Variants in RTRAF observed in about 807,000 individuals in gnomAD.
RTRAF encodes the protein RNA transcription, translation and transport factor.
A neutral mutation model predicts 34.4 loss-of-function variants in RTRAF; 14 were observed. The observed-to-expected ratio is 0.41, with a 90% confidence interval of 0.27 to 0.64. RTRAF has a LOEUF of 0.64. Among genes scored for constraint, RTRAF ranks in the 30% least tolerant of loss-of-function variants. The probability of loss-of-function intolerance (pLI) is 0.34; values close to 1 mark genes in which losing one functional copy is unlikely to be tolerated. For missense variants in RTRAF, 291 were observed against 288.4 expected (o/e 1.01, Z -0.06); for synonymous variants, 96 against 95.3 (o/e 1.01, Z -0.04).
rs1890785347 is a variant in RTRAF at position 52,006,441 on chromosome 14, A to C, written c.*1925A>C. On this transcript the variant is annotated 3_prime_UTR_variant, in exon 8 of 8. Coordinates refer to ENST00000261700, the MANE Select transcript of RTRAF (RefSeq NM_016039.3). ...TGAAACAAAAGCCTCAGAGGGCTTA[A>C]TGAGTCAAGTCAGGTACTGACTTTT... is the stretch of plus-strand genomic sequence containing the variant. The C allele has an allele frequency of 7.0e-7, 1 of 1,431,614 alleles. No homozygotes were observed. Among genetic ancestry groups the C allele is most frequent in the South Asian group, 1.3e-5 (1 of 77,872 alleles). 88.7% of individuals were successfully genotyped at this position (1,431,614 alleles called of 1,614,324 possible).
At chr14:51,998,227 A>T in intron 3 of RTRAF, 1 of 256,842 alleles carries the variant, frequency 3.9e-6, no homozygotes, top group Non-Finnish European at 7.4e-6. Context: ...TATTATATGA[A>T]ATTACCTTCA....
At chr14:51,991,804 C>T (rs1260388459) in intron 2 of RTRAF, among the ~76,000 whole-genome samples, 1 of 152,128 alleles carries the variant, frequency 6.6e-6, no homozygotes, top group East Asian at 1.9e-4. Context: ...TGATGGCTAA[C>T]ACCTATAATG....
intron 4 of RTRAF, among the ~76,000 whole-genome samples, chr14:51,999,064 C>G (rs937085429): frequency 7.9e-5 from 12 of 151,870 alleles, no homozygotes; most frequent in African/African-American, 2.7e-4. Flanking sequence ...ATGAGTGAGC[C>G]TCTTGGACAC....
In RTRAF at chr14:52,010,627, C is replaced by T. The variant is rs1890976959; in HGVS notation, c.*6111C>T. On this transcript the variant is annotated 3_prime_UTR_variant, in exon 8 of 8. Coordinates refer to ENST00000261700, the MANE Select transcript of RTRAF (RefSeq NM_016039.3). ...CACTATCTGAATTTTCTACATATCA[C>T]ATCACAGACTAATATTGTTTATACC... 2 of 383,822 alleles carry T rather than the reference C, an allele frequency of 5.2e-6. No individual in the cohort carries two copies. The highest frequency in any genetic ancestry group is 4.8e-5 in the South Asian group (1 of 20,774). The allele number at this position is 383,822 out of a possible 1,614,324, so 23.8% of individuals were successfully genotyped here.
At chr14:51,993,228 A>G (rs933840284) in intron 2 of RTRAF, among the ~76,000 whole-genome samples, 1 of 152,138 alleles carries the variant, frequency 6.6e-6, no homozygotes, top group Non-Finnish European at 1.5e-5. Flanking sequence ...TATATGCAAC[A>G]TTTATTTGAA....
Position 52,008,054 on chromosome 14 carries a change from CCT to C in RTRAF, c.*3540_*3541del. The C allele has an allele frequency of 9.3e-7, 1 of 1,075,252 alleles. No homozygotes were observed. Among genetic ancestry groups the C allele is most frequent in the Non-Finnish European group, 1.4e-6 (1 of 740,184 alleles). 66.6% of individuals were successfully genotyped at this position (1,075,252 alleles called of 1,614,324 possible). On this transcript the variant is annotated 3_prime_UTR_variant, in exon 8 of 8. Transcript: ENST00000261700. Reference sequence around the variant, plus strand: ...AAGCAGCCCCCAGTGATCTCCATCTCCTCATGTATTATAGCCTTAAGCAATCC... The same window carrying C: ...AAGCAGCCCCCAGTGATCTCCATCTCCATGTATTATAGCCTTAAGCAATCC...
intron 2 of RTRAF, 27 bp from the exon 3 acceptor site, chr14:51,993,693 CTGG>C: frequency 7.7e-7 from 1 of 1,299,132 alleles, no homozygotes; most frequent in Non-Finnish European, 1.1e-6. Flanking sequence ...AATAATGAAA[CTGG>C]TGGTTTTCTT....
At chr14:51,999,899 TA>T (rs1309620867) in intron 5 of RTRAF, 103 bp downstream of exon 5, 14 of 742,396 alleles carry the variant, frequency 1.9e-5, no homozygotes, top group Non-Finnish European at 2.7e-5. Context: ...GTTGAATGAC[TA>T]AAATACACAG....
Position 51,991,330 on chromosome 14 carries a change from T to C in RTRAF, c.75T>C (p.Phe25=). The C allele has an allele frequency of 6.2e-7, 1 of 1,613,234 alleles. No individual in the cohort carries two copies. Among genetic ancestry groups the C allele is most frequent in the African/African-American group, 1.3e-5 (1 of 75,016 alleles). ...AGFNCKDETE[F]RNFIVWLEDQ... ...TTTTTATTGCAGATGAAACAGAATT[T>C]AGAAACTTCATCGTTTGGCTTGAAG... Residue 25 remains phenylalanine (F), a synonymous_variant, in exon 2 of 8, where the codon TTT becomes TTC. Coordinates refer to ENST00000261700, the MANE Select transcript of RTRAF (RefSeq NM_016039.3).
Position 51,993,704 on chromosome 14 carries a change from C to G in RTRAF, c.187-19C>G. 4.8e-6 allele frequency: 7 copies of G among 1,468,014 alleles called. No individual in the cohort carries two copies. The highest frequency in any genetic ancestry group is 5.7e-6 in the Non-Finnish European group (6 of 1,058,904). The allele number at this position is 1,468,014 out of a possible 1,614,324, so 90.9% of individuals were successfully genotyped here. On this transcript the variant is annotated intron_variant, in intron 2 of 7. Transcript: ENST00000261700. ...TGGTAATAATGAAACTGGTGGTTTT[C>G]TTTTCTTCCCCCTCACAGTATCTCA...
At chr14:51,994,942 C>G (rs1890495620) in intron 3 of RTRAF, among the ~76,000 whole-genome samples, 1 of 151,912 alleles carries the variant, frequency 6.6e-6, no homozygotes, top group Admixed American at 6.6e-5. Flanking sequence ...ATCTACACAT[C>G]TAAATCCTAC....
In RTRAF at chr14:52,010,110, ATACAGG is replaced by A. The variant is rs1594998647; in HGVS notation, c.*5598_*5603del. ...GTTAAGTCAACTGGAATAGAGAAGG[ATACAGG>A]TACTTTTCCTGTGTGTAGAACCCAA... On this transcript the variant is annotated 3_prime_UTR_variant, in exon 8 of 8. Coordinates refer to ENST00000261700, the MANE Select transcript of RTRAF (RefSeq NM_016039.3). The A allele has an allele frequency of 6.6e-6, 1 of 152,254 alleles. No homozygotes were observed. Among genetic ancestry groups the A allele is most frequent in the Non-Finnish European group, 1.5e-5 (1 of 68,042 alleles). The allele number at this position is 152,254 out of a possible 1,614,324, so 9.4% of individuals were successfully genotyped here.
rs1413174815 is a variant in RTRAF at position 52,007,166 on chromosome 14, AT to A, written c.*2653del. ...TTTACAATAGCTAAACCATTCAAGA[AT>A]TTCCAAGTTTCACATTTCTCATGGA... is the stretch of plus-strand genomic sequence containing the variant. On this transcript the variant is annotated 3_prime_UTR_variant, in exon 8 of 8. Coordinates refer to ENST00000261700, the MANE Select transcript of RTRAF (RefSeq NM_016039.3). The A allele has an allele frequency of 6.5e-6, 1 of 153,296 alleles. No homozygotes were observed. Among genetic ancestry groups the A allele is most frequent in the African/African-American group, 2.4e-5 (1 of 41,452 alleles). The allele number at this position is 153,296 out of a possible 1,614,324, so 9.5% of individuals were successfully genotyped here. A position where few individuals can be genotyped will look rare whatever the true frequency, so the allele number is the denominator to read the frequency against.
At chr14:51,997,048 TAGG>T (rs1333414939) in intron 3 of RTRAF, among the ~76,000 whole-genome samples, 1 of 151,994 alleles carries the variant, frequency 6.6e-6, no homozygotes, top group East Asian at 1.9e-4. Flanking sequence ...TGCATCATAT[TAGG>T]AGATACGTGA....
At position 52,001,804 on chromosome 14, in the gene RTRAF, C is replaced by G; in HGVS notation, c.469C>G (p.Arg157Gly). Residue 157 changes from arginine (R) to glycine (G), a missense_variant, in exon 6 of 8, where the codon CGG (arginine) becomes GGG (glycine). By Grantham distance (125) the Arg-to-Gly change is moderately radical. Transcript: ENST00000261700. ...ATATTTTTGGGTTTCTTAGGCAATT[C>G]GGATTTTGGTTCAGGAGCGCCTGAC... ...DDYLVMLKAI[R>G]ILVQERLTQD... is the part of the protein sequence containing the mutation. The G allele has an allele frequency of 6.2e-7, 1 of 1,611,290 alleles. No individual in the cohort carries two copies. Among genetic ancestry groups the G allele is most frequent in the Non-Finnish European group, 8.5e-7 (1 of 1,179,068 alleles).
rs1330444035 is a variant in RTRAF at position 52,003,537 on chromosome 14, A to G, written c.532-657A>G. Among the ~76,000 whole-genome samples the G allele has an allele frequency of 3.3e-5, 5 of 152,312 alleles. No individual in the cohort carries two copies. The South Asian group carries it at 6.2e-4, about 19-fold the overall frequency. On this transcript the variant is annotated intron_variant, in intron 6 of 7. Coordinates refer to ENST00000261700, the MANE Select transcript of RTRAF (RefSeq NM_016039.3). ...GTGTTTTTCTTGGCAGTGATTTTAT[A>G]TAATCAGCAGGAAGTACAGACTGTC...
rs1890932277 is a variant in RTRAF, at chr14:52,009,694, A to G, written c.*5178A>G. Reference sequence around the variant, plus strand: ...GCAGCTCTCCCCAGTTTTCAGGTCAAGCACCAAGAAGGAATAAGGGGCCGG... The same window carrying G: ...GCAGCTCTCCCCAGTTTTCAGGTCAGGCACCAAGAAGGAATAAGGGGCCGG... On this transcript the variant is annotated 3_prime_UTR_variant, in exon 8 of 8. Transcript: ENST00000261700. 6.6e-6 allele frequency: 1 copy of G among 152,252 alleles called. No homozygotes were observed. The highest frequency in any genetic ancestry group is 1.5e-5 in the Non-Finnish European group (1 of 68,092). 9.4% of individuals were successfully genotyped at this position (152,252 alleles called of 1,614,324 possible).
At position 52,006,028 on chromosome 14, in the gene RTRAF, C is replaced by T; in HGVS notation, c.*1512C>T. 1 of 589,244 alleles carries T rather than the reference C, an allele frequency of 1.7e-6. No homozygotes were observed. Among genetic ancestry groups the T allele is most frequent in the Non-Finnish European group, 3.1e-6 (1 of 326,192 alleles). 36.5% of individuals were successfully genotyped at this position (589,244 alleles called of 1,614,324 possible). A position where few individuals can be genotyped will look rare whatever the true frequency, so the allele number is the denominator to read the frequency against. On this transcript the variant is annotated 3_prime_UTR_variant, in exon 8 of 8. Transcript: ENST00000261700. ...ATTGCTCTAAATCCATTGCTCATCT[C>T]TAGCTGCATGTTAGAATCACATGAT...
Position 52,008,081 on chromosome 14 carries a change from C to T in RTRAF, c.*3565C>T. On this transcript the variant is annotated 3_prime_UTR_variant, in exon 8 of 8. Transcript: ENST00000261700. ...TCATGTATTATAGCCTTAAGCAATC[C>T]CCTTGAGTTTGGGCTGCATTAGTAG... 1 of 822,372 alleles carries T rather than the reference C, an allele frequency of 1.2e-6. No individual in the cohort carries two copies. 50.9% of individuals were successfully genotyped at this position (822,372 alleles called of 1,614,324 possible).
Sources: gnomAD v4.1 joint callset for allele counts (sites outside exome capture counted in the v4.1 genomes callset) on GRCh38, gnomAD v4.1.1 for gene constraint, MANE v1.5 for transcripts, NCBI Gene and HGNC (gene_info 2026-07-23, HGNC 2026-07-21) for gene names.